The following SUFU variants were observed in gnomAD, a reference collection of about 807,000 sequenced individuals.
SUFU encodes suppressor of fused homolog.
SUFU carries 7 observed loss-of-function variants against 58.9 expected under a neutral mutation model. That is an observed-to-expected ratio of 0.12 (90% CI 0.07 to 0.22). The LOEUF (loss-of-function observed/expected upper bound fraction) is 0.22, where lower values mean the gene tolerates loss of function less well. Among genes scored for constraint, SUFU ranks in the 10% least tolerant of loss-of-function variants. SUFU has a pLI of 1.00. For missense variants in SUFU, 451 were observed against 641.3 expected, an observed-to-expected ratio of 0.70 and a Z score of 3.20; for synonymous variants, 232 against 254.8, an observed-to-expected ratio of 0.91 and a Z score of 0.85.
At chr10:102,540,458 C>G (rs1023606285) in intron 2 of SUFU, among the ~76,000 whole-genome samples, 4 of 152,010 alleles carry the variant, frequency 2.6e-5, no homozygotes, top group Admixed American at 2.6e-4. Context: ...CAAGACCAGC[C>G]TGGCCAACAT....
chr10:102,615,119 A>C, intron 8 of SUFU, 149 bp from the exon 9 acceptor site: 2 of 1,202,320 alleles, frequency 1.7e-6, no homozygotes, highest in Non-Finnish European at 1.2e-6. Flanking sequence ...GGCGCTCGCC[A>C]GGCATATACA....
chr10:102,600,127 C>T (rs12762934), intron 8 of SUFU, among the ~76,000 whole-genome samples: 37,575 of 152,102 alleles, frequency 0.25, 5,097 homozygotes, highest in Non-Finnish European at 0.31. Context: ...AGGTCAGATC[C>T]GCTTCCTGCC....
intron 8 of SUFU, among the ~76,000 whole-genome samples, chr10:102,608,682 G>C (rs2063588449): frequency 6.6e-6 from 1 of 152,234 alleles, no homozygotes; most frequent in South Asian, 2.1e-4. Context: ...CCCTGGGCCA[G>C]TAGTCCCTAG....
Position 102,572,848 on chromosome 10 carries a change from A to G in SUFU, c.455-19734A>G, listed in dbSNP as rs531857130. The stretch of plus-strand genomic sequence containing the variant: ...CTTCTTCTCTCCATCACGCTGAATC[A>G]GGGTGTTGACCTTGGTCACATCAGT... On this transcript the variant is annotated intron_variant, in intron 3 of 11. Coordinates refer to ENST00000369902, the MANE Select transcript of SUFU (RefSeq NM_016169.4). 48 of 807,600 alleles carry G rather than the reference A, an allele frequency of 5.9e-5. No homozygotes were observed. In the African/African-American group the frequency reaches 6.2e-4, roughly 10 times the overall value. The allele number at this position is 807,600 out of a possible 1,614,324, so 50.0% of individuals were successfully genotyped here.
intron 1 of SUFU, among the ~76,000 whole-genome samples, chr10:102,508,191 C>G (rs2062354639): frequency 6.6e-6 from 1 of 152,070 alleles, no homozygotes. Flanking sequence ...CCAGGCTGGT[C>G]TCAAACTCCT....
intron 2 of SUFU, among the ~76,000 whole-genome samples, chr10:102,535,002 CT>C (rs2062719489): frequency 6.6e-6 from 1 of 151,862 alleles, no homozygotes; most frequent in Non-Finnish European, 1.5e-5. Context: ...CCTCCACCCC[CT>C]ACCCCCTGCA....
chr10:102,555,125 G>T (rs1333040125), intron 3 of SUFU, among the ~76,000 whole-genome samples: 1 of 151,934 alleles, frequency 6.6e-6, no homozygotes, highest in African/African-American at 2.4e-5. Context: ...AAAATTAGCC[G>T]GACGTGGTGG....
chr10:102,583,855 C>T (rs895974271), intron 3 of SUFU, among the ~76,000 whole-genome samples: 1 of 152,112 alleles, frequency 6.6e-6, no homozygotes, highest in African/African-American at 2.4e-5. Flanking sequence ...ATCCCTCCCC[C>T]CTCTCCCCAC....
intron 3 of SUFU, among the ~76,000 whole-genome samples, chr10:102,574,175 AGTCT>A (rs1383593702): frequency 6.6e-6 from 1 of 152,178 alleles, no homozygotes; most frequent in African/African-American, 2.4e-5. Context: ...GGCACCTTAG[AGTCT>A]GTCTGCCACA....
At chr10:102,533,703 C>T (rs2062703411) in intron 2 of SUFU, among the ~76,000 whole-genome samples, 1 of 152,198 alleles carries the variant, frequency 6.6e-6, no homozygotes, top group Non-Finnish European at 1.5e-5. Flanking sequence ...CAAATTCTCA[C>T]GTCACATCTC....
chr10:102,586,597 C>T (rs1003468800), intron 3 of SUFU, among the ~76,000 whole-genome samples: 5 of 152,228 alleles, frequency 3.3e-5, no homozygotes, highest in Non-Finnish European at 7.4e-5. Flanking sequence ...GGCCAGAACT[C>T]GGGAGGCGGA....
At position 102,629,979 on chromosome 10, in the gene SUFU, G is replaced by T; in HGVS notation, c.1366-87G>T. The T allele has an allele frequency of 2.4e-6, 3 of 1,253,144 alleles. No individual in the cohort carries two copies. Among genetic ancestry groups the T allele is most frequent in the Non-Finnish European group, 3.5e-6 (3 of 851,206 alleles). The allele number at this position is 1,253,144 out of a possible 1,614,324, so 77.6% of individuals were successfully genotyped here. ...CGGCCTGTCCTATCCCTAGCTCCCC[G>T]GGGACAGGCCTGGGCAATCTCTGGA... On this transcript the variant is annotated intron_variant, in intron 11 of 11. Transcript: ENST00000369902. This position sits in a 1 kb window ranked among gnomAD's most constrained non-coding sequence, Gnocchi z 4.7.
intron 7 of SUFU, 71 bp downstream of exon 7, chr10:102,597,364 T>C: frequency 6.5e-7 from 1 of 1,542,946 alleles, no homozygotes; most frequent in Non-Finnish European, 8.7e-7. Flanking sequence ...TTCCAGTCTC[T>C]CTAGGATGGG....
intron 2 of SUFU, among the ~76,000 whole-genome samples, chr10:102,547,345 G>T (rs761887370): frequency 6.6e-6 from 1 of 152,174 alleles, no homozygotes; most frequent in African/African-American, 2.4e-5. Context: ...CCCTCAGCCT[G>T]CCTGCACTGA....
intron 10 of SUFU, among the ~76,000 whole-genome samples, 169 bp from the exon 11 acceptor site, chr10:102,627,006 G>C (rs1416532807): frequency 2.6e-5 from 4 of 152,030 alleles, no homozygotes; most frequent in African/African-American, 7.3e-5. Flanking sequence ...GAGGGTGTGG[G>C]GGGAATGACA....
chr10:102,561,136 C>T (rs140553236), intron 3 of SUFU, among the ~76,000 whole-genome samples: 72 of 152,324 alleles, frequency 4.7e-4, no homozygotes, highest in Middle Eastern at 3.4e-3. Flanking sequence ...AGCAACTGCA[C>T]CCAGCCTTAC....
intron 2 of SUFU, among the ~76,000 whole-genome samples, chr10:102,525,308 C>T (rs1395037410): frequency 6.6e-6 from 1 of 151,800 alleles, no homozygotes; most frequent in African/African-American, 2.4e-5. Flanking sequence ...TGGGGTTTTG[C>T]CATGTTGGCC....
chr10:102,588,336 T>C (rs1361273700), intron 3 of SUFU, among the ~76,000 whole-genome samples: 1 of 146,360 alleles, frequency 6.8e-6, no homozygotes, highest in Non-Finnish European at 1.5e-5. Flanking sequence ...GAGTTGGCAG[T>C]GAGCCGAGAT....
chr10:102,581,662 C>T (rs2063281846), intron 3 of SUFU, among the ~76,000 whole-genome samples: 1 of 152,214 alleles, frequency 6.6e-6, no homozygotes, highest in Non-Finnish European at 1.5e-5. Flanking sequence ...CGGCTTCATC[C>T]TGGGACTTCC....
Sources: gnomAD v4.1 joint callset for allele counts (sites outside exome capture counted in the v4.1 genomes callset) on GRCh38, gnomAD v4.1.1 for gene constraint, Gnocchi (gnomAD v3.1) non-coding constraint, MANE v1.5 for transcripts, NCBI Gene and HGNC (gene_info 2026-07-23, HGNC 2026-07-21) for gene names.